The following PKHD1 variants were observed in gnomAD, a reference collection of about 807,000 sequenced individuals.
PKHD1 encodes fibrocystin.
PKHD1 carries 291 observed loss-of-function variants against 412.0 expected under a neutral mutation model. That is an observed-to-expected ratio of 0.71 (90% CI 0.64 to 0.78). PKHD1 has a LOEUF of 0.78. Among genes scored for constraint, PKHD1 ranks in the 30% least tolerant of loss-of-function variants. The pLI is 0.00. For missense variants in PKHD1, 4,825 were observed against 4,950.7 expected, an observed-to-expected ratio of 0.97 and a Z score of 0.76; for synonymous variants, 1,777 against 1,821.5, an observed-to-expected ratio of 0.98 and a Z score of 0.62.
At chr6:51,988,253 C>A (rs1053090601) in intron 35 of PKHD1, among the ~76,000 whole-genome samples, 1 of 152,168 alleles carries the variant, frequency 6.6e-6, no homozygotes, top group Non-Finnish European at 1.5e-5. Flanking sequence ...AAGCTATACA[C>A]TTAAGATCTG....
At chr6:51,896,153 G>C (rs1302059414) in intron 43 of PKHD1, among the ~76,000 whole-genome samples, 1 of 152,168 alleles carries the variant, frequency 6.6e-6, no homozygotes, top group East Asian at 1.9e-4. Context: ...GCTCGAACTG[G>C]GTGGAGCCCA....
chr6:51,636,429 C>T (rs559055301), intron 64 of PKHD1, among the ~76,000 whole-genome samples: 1 of 152,108 alleles, frequency 6.6e-6, no homozygotes, highest in South Asian at 2.1e-4. Flanking sequence ...CGTCTGTAGT[C>T]CCAGCTACTT....
intron 60 of PKHD1, among the ~76,000 whole-genome samples, chr6:51,679,984 A>C (rs1299816627): frequency 6.6e-6 from 1 of 151,928 alleles, no homozygotes; most frequent in Non-Finnish European, 1.5e-5. Context: ...CCTCTGTGTA[A>C]CTCTAGGCAA....
At chr6:52,057,426 T>C (rs554820964) in intron 16 of PKHD1, among the ~76,000 whole-genome samples, 3 of 68,568 alleles carry the variant, frequency 4.4e-5, no homozygotes, top group African/African-American at 1.8e-4. Flanking sequence ...CTATGCAGCT[T>C]TTTTTTTTTT....
chr6:51,706,545 G>A (rs1780041865), intron 60 of PKHD1, among the ~76,000 whole-genome samples: 1 of 151,310 alleles, frequency 6.6e-6, no homozygotes, highest in Non-Finnish European at 1.5e-5. Flanking sequence ...AGGAGGAGCA[G>A]CAGAAGGAGG....
chr6:51,921,501 G>A (rs1376479308), intron 37 of PKHD1, among the ~76,000 whole-genome samples: 1 of 152,122 alleles, frequency 6.6e-6, no homozygotes, highest in East Asian at 1.9e-4. Context: ...AAATTCTCCT[G>A]GATAATATCC....
intron 35 of PKHD1, among the ~76,000 whole-genome samples, chr6:52,003,238 T>C (rs543914064): frequency 6.6e-6 from 1 of 152,304 alleles, no homozygotes; most frequent in East Asian, 1.9e-4. Context: ...TTATGATGAC[T>C]TAAACATTAG....
At chr6:51,738,536 C>A (rs1784148313) in intron 60 of PKHD1, among the ~76,000 whole-genome samples, 1 of 152,108 alleles carries the variant, frequency 6.6e-6, no homozygotes, top group Non-Finnish European at 1.5e-5. Context: ...GGTGGTTAAC[C>A]ATGTGAGATG....
intron 48 of PKHD1, among the ~76,000 whole-genome samples, chr6:51,861,931 T>A (rs1774260747): frequency 6.6e-6 from 1 of 152,238 alleles, no homozygotes; most frequent in Non-Finnish European, 1.5e-5. Context: ...ACTTTTGATC[T>A]GCTGAGTCCA....
chr6:51,753,373 G>A lies in PKHD1; in HGVS notation c.8798-20C>T. The A allele has an allele frequency of 6.3e-7, 1 of 1,594,722 alleles. No individual in the cohort carries two copies. Among genetic ancestry groups the A allele is most frequent in the Non-Finnish European group, 8.5e-7 (1 of 1,176,454 alleles). On this transcript the variant is annotated intron_variant, in intron 56 of 66. Transcript: ENST00000371117. ...CACTTCCTGGGGCAATAGGAGTTGT[G>A]GGAAAAAAAAACTTTAAAAACCTGT... is the stretch of plus-strand genomic sequence containing the variant.
Position 51,645,672 on chromosome 6 carries a change from C to T in PKHD1, c.11398+2359G>A, listed in dbSNP as rs372711009. Reference sequence around the variant, plus strand: ...GCCTCCCAAAGTGCTGGATTACAGGCACGAACCGCCGTTCCCAGCCTGAAA... The same window carrying T: ...GCCTCCCAAAGTGCTGGATTACAGGTACGAACCGCCGTTCCCAGCCTGAAA... On this transcript the variant is annotated intron_variant, in intron 63 of 66. Transcript: ENST00000371117. Among the ~76,000 whole-genome samples, 5 of 152,302 alleles carry T rather than the reference C, an allele frequency of 3.3e-5. No individual in the cohort carries two copies. The East Asian group carries it at 9.6e-4, about 29-fold the overall frequency.
At chr6:51,682,912 C>A (rs922475459) in intron 60 of PKHD1, among the ~76,000 whole-genome samples, 1 of 151,950 alleles carries the variant, frequency 6.6e-6, no homozygotes, top group Admixed American at 6.6e-5. Context: ...TGGATACTTA[C>A]CTAATACAGG....
At chr6:51,751,392 G>GA (rs1217867270) in intron 57 of PKHD1, among the ~76,000 whole-genome samples, 2 of 152,068 alleles carry the variant, frequency 1.3e-5, no homozygotes, top group Admixed American at 6.6e-5. Context: ...TTCTGGAACA[G>GA]AAAAAAACTG....
At chr6:51,837,312 G>A (rs1769398987) in intron 50 of PKHD1, among the ~76,000 whole-genome samples, 1 of 152,164 alleles carries the variant, frequency 6.6e-6, no homozygotes, top group Non-Finnish European at 1.5e-5. Context: ...CTGCAGCCTT[G>A]GGGACTCGGC....
chr6:51,887,137 T>C lies in PKHD1; in HGVS notation c.7105A>G (p.Thr2369Ala). 6.3e-7 allele frequency: 1 copy of C among 1,592,792 alleles called. No homozygotes were observed. Among genetic ancestry groups the C allele is most frequent in the Non-Finnish European group, 8.6e-7 (1 of 1,160,504 alleles). Residue 2369 changes from threonine (T) to alanine (A), a missense_variant, in exon 44 of 67, where the codon ACC becomes GCC. Transcript: ENST00000371117. ...SFTQNIAHSC[T>A]RYGLFVYPKF... is the part of the protein sequence containing the mutation. The stretch of plus-strand genomic sequence containing the variant: ...GATGAATTTCCCCAAAGTTACCTGG[T>C]ACAAGAATGTGCAATGTTCTGAGTG...
At position 51,617,417 on chromosome 6, in the gene PKHD1, A is replaced by G. The variant is rs1766162349; in HGVS notation, c.*1664T>C. The G allele has an allele frequency of 6.6e-6, 1 of 152,202 alleles. No individual in the cohort carries two copies. Among genetic ancestry groups the G allele is most frequent in the South Asian group, 2.1e-4 (1 of 4,824 alleles). The allele number at this position is 152,202 out of a possible 1,614,324, so 9.4% of individuals were successfully genotyped here. ...TCGTTTTTAATTCTGTTGGTGCCCAAGCAAAATACATCATCTACAAAGAGG... is the reference window on the plus strand; with the variant it reads ...TCGTTTTTAATTCTGTTGGTGCCCAGGCAAAATACATCATCTACAAAGAGG... On this transcript the variant is annotated 3_prime_UTR_variant, in exon 67 of 67. Coordinates refer to ENST00000371117, the MANE Select transcript of PKHD1 (RefSeq NM_138694.4).
chr6:51,895,185 G>A lies in PKHD1; in HGVS notation c.6997-7940C>T, dbSNP rs959521720. On this transcript the variant is annotated intron_variant, in intron 43 of 66. Coordinates refer to ENST00000371117, the MANE Select transcript of PKHD1 (RefSeq NM_138694.4). Reference sequence around the variant, plus strand: ...TAACACTAACTCAGCCAAGAATGGTGGCTCACACCTGTAATTCCAATCCTT... The same window carrying A: ...TAACACTAACTCAGCCAAGAATGGTAGCTCACACCTGTAATTCCAATCCTT... 2.6e-5 allele frequency among the ~76,000 whole-genome samples: 4 copies of A among 152,328 alleles called. No individual in the cohort carries two copies. In the East Asian group the frequency reaches 7.7e-4, roughly 29 times the overall value.
rs1336366685 is a variant in PKHD1 at position 51,868,116 on chromosome 6, A to C, written c.7487-7T>G. ...GTCTTCACAGTAAATCCACCTATAA[A>C]TTGGAAAACAGAAAGATTATTACAC... On this transcript the variant is annotated splice_region_variant and splice_polypyrimidine_tract_variant and intron_variant, in intron 47 of 66. Transcript: ENST00000371117. 1 of 1,608,664 alleles carries C rather than the reference A, an allele frequency of 6.2e-7. No homozygotes were observed. Among genetic ancestry groups the C allele is most frequent in the African/African-American group, 1.3e-5 (1 of 74,812 alleles).
intron 52 of PKHD1, among the ~76,000 whole-genome samples, chr6:51,810,852 A>C (rs1764581940): frequency 6.6e-6 from 1 of 152,190 alleles, no homozygotes; most frequent in South Asian, 2.1e-4. Context: ...TATAAAAAGA[A>C]AGTACAATCT....
Sources: gnomAD v4.1 joint callset for allele counts (sites outside exome capture counted in the v4.1 genomes callset) on GRCh38, gnomAD v4.1.1 for gene constraint, MANE v1.5 for transcripts, NCBI Gene and HGNC (gene_info 2026-07-23, HGNC 2026-07-21) for gene names.